The following RANBP17 variants were observed in gnomAD, a reference collection of about 807,000 sequenced individuals.
RANBP17 encodes the protein RAN binding protein 17.
Under a neutral mutation model 141.2 loss-of-function variants are expected in RANBP17, and 158 were observed. The ratio of observed to expected loss-of-function variants is 1.12; its 90% CI spans 0.98 to 1.28. The LOEUF is 1.28. Among genes scored for constraint, RANBP17 ranks in the 50% most tolerant of loss-of-function variants. The pLI is 0.00. For missense variants in RANBP17, 1,438 were observed against 1,290.7 expected (o/e 1.11, Z -1.75); for synonymous variants, 430 against 450.0 (o/e 0.96, Z 0.56).
At chr5:170,891,057 G>C (rs1164666231) in intron 3 of RANBP17, among the ~76,000 whole-genome samples, 1 of 152,176 alleles carries the variant, frequency 6.6e-6, no homozygotes, top group African/African-American at 2.4e-5. Context: ...CAAGAAGACA[G>C]TGTATAGTCA....
chr5:171,098,886 T>C (rs766848351), intron 14 of RANBP17, among the ~76,000 whole-genome samples: 36 of 152,216 alleles, frequency 2.4e-4, no homozygotes, highest in Non-Finnish European at 4.3e-4. Context: ...TCTTTCCCCA[T>C]TGCTTGTTTT....
At chr5:170,971,319 A>T (rs1332496958) in intron 14 of RANBP17, among the ~76,000 whole-genome samples, 1 of 152,224 alleles carries the variant, frequency 6.6e-6, no homozygotes, top group Non-Finnish European at 1.5e-5. Flanking sequence ...GTCTGTGTCA[A>T]ATACTTTGCT....
At chr5:171,117,086 C>G (rs1245608881) in intron 14 of RANBP17, among the ~76,000 whole-genome samples, 1 of 152,128 alleles carries the variant, frequency 6.6e-6, no homozygotes, top group African/African-American at 2.4e-5. Context: ...TAGGCTGATT[C>G]CATATCTTGG....
At chr5:171,046,502 C>T (rs1036537878) in intron 14 of RANBP17, among the ~76,000 whole-genome samples, 2 of 152,088 alleles carry the variant, frequency 1.3e-5, no homozygotes, top group African/African-American at 2.4e-5. Flanking sequence ...CCACCGTGCC[C>T]GGCCAGTTCT....
intron 25 of RANBP17, among the ~76,000 whole-genome samples, chr5:171,292,975 C>A (rs183842727): frequency 2.7e-4 from 41 of 152,332 alleles, no homozygotes; most frequent in African/African-American, 9.9e-4. Flanking sequence ...TCTGGCCCAC[C>A]TCTCTTCTCT....
At chr5:171,011,842 TA>T (rs544554280) in intron 14 of RANBP17, among the ~76,000 whole-genome samples, 4 of 151,664 alleles carry the variant, frequency 2.6e-5, no homozygotes, top group Non-Finnish European at 4.4e-5. Context: ...TATATAACTT[TA>T]AAAAAAATAT....
chr5:171,119,344 T>A (rs1581675750), intron 14 of RANBP17, among the ~76,000 whole-genome samples: 1 of 152,366 alleles, frequency 6.6e-6, no homozygotes, highest in Admixed American at 6.5e-5. Flanking sequence ...TGATTTTTTG[T>A]TGTCCTGATT....
In RANBP17 at chr5:170,862,121, C is replaced by T. The variant is rs192159721; in HGVS notation, c.18+70C>T. ...AACCCGGCGGGACGCGTCTGGAGAC[C>T]GAGGGCCGAGGACAGCGGCGGAGGC... On this transcript the variant is annotated intron_variant, in intron 1 of 27. Transcript: ENST00000523189. 6,823 of 1,373,836 alleles carry T rather than the reference C, an allele frequency of 5.0e-3. 29 individuals carry two copies. Among genetic ancestry groups the T allele is most frequent in the Non-Finnish European group, 5.8e-3 (6,155 of 1,066,516 alleles). The allele number at this position is 1,373,836 out of a possible 1,614,324, so 85.1% of individuals were successfully genotyped here. A position where few individuals can be genotyped will look rare whatever the true frequency, so the allele number is the denominator to read the frequency against.
intron 14 of RANBP17, among the ~76,000 whole-genome samples, chr5:171,062,543 G>C (rs1783965483): frequency 6.6e-6 from 1 of 152,118 alleles, no homozygotes. Flanking sequence ...TTAGTCTGAT[G>C]GGCTTCCCTT....
rs965555213 is a variant in RANBP17 at position 171,062,825 on chromosome 5, A to G, written c.1710+94448A>G. Among the ~76,000 whole-genome samples the G allele has an allele frequency of 7.2e-5, 11 of 152,210 alleles. No individual in the cohort carries two copies. The East Asian group carries it at 1.4e-3, about 19-fold the overall frequency. ...TCAGACGTAGATTTGGTCTTTTCACATAGTCCCATATTTCTTGGAGGCTTT... is the reference window on the plus strand; with the variant it reads ...TCAGACGTAGATTTGGTCTTTTCACGTAGTCCCATATTTCTTGGAGGCTTT... On this transcript the variant is annotated intron_variant, in intron 14 of 27. Transcript: ENST00000523189.
rs1022327217 is a variant in RANBP17, at chr5:171,299,648, A to T, written c.*790A>T. 6.5e-5 allele frequency: 15 copies of T among 229,554 alleles called. No homozygotes were observed. The highest frequency in any genetic ancestry group is 3.3e-4 in the African/African-American group (15 of 45,122). 14.2% of individuals were successfully genotyped at this position (229,554 alleles called of 1,614,324 possible). On this transcript the variant is annotated 3_prime_UTR_variant, in exon 28 of 28. Coordinates refer to ENST00000523189, the MANE Select transcript of RANBP17 (RefSeq NM_022897.5). ...AGAGAAGGTGAAGGTAACTATTAGA[A>T]TATAATATTTGAAGCAGCTCTGCCT... is the stretch of plus-strand genomic sequence containing the variant.
At chr5:171,181,799 A>G (rs1336156983) in intron 16 of RANBP17, among the ~76,000 whole-genome samples, 2 of 152,230 alleles carry the variant, frequency 1.3e-5, no homozygotes, top group Non-Finnish European at 1.5e-5. Flanking sequence ...TAGCCTTGCA[A>G]GTTGCACACG....
chr5:171,171,414 C>G (rs1435392222), intron 16 of RANBP17, 128 bp downstream of exon 16: 1 of 511,324 alleles, frequency 2.0e-6, no homozygotes, highest in Non-Finnish European at 3.5e-6. Context: ...TTTCATTTAG[C>G]CTTATCTGTA....
intron 25 of RANBP17, among the ~76,000 whole-genome samples, chr5:171,278,788 T>C (rs967016958): frequency 1.3e-5 from 2 of 152,184 alleles, no homozygotes; most frequent in African/African-American, 4.8e-5. Flanking sequence ...CTACCCCTTA[T>C]AGACTTAAGT....
At chr5:171,175,331 G>A (rs1292427015) in intron 16 of RANBP17, among the ~76,000 whole-genome samples, 2 of 152,124 alleles carry the variant, frequency 1.3e-5, no homozygotes, top group Non-Finnish European at 2.9e-5. Context: ...GGGATTTGCT[G>A]GGTCAAATGG....
chr5:170,946,534 A>G (rs1043964342), intron 12 of RANBP17, among the ~76,000 whole-genome samples: 1 of 152,332 alleles, frequency 6.6e-6, no homozygotes, highest in African/African-American at 2.4e-5. Context: ...GTTATGTTAT[A>G]TAAAGTCGCT....
intron 13 of RANBP17, among the ~76,000 whole-genome samples, chr5:170,963,682 A>G (rs897066920): frequency 6.6e-6 from 1 of 152,184 alleles, no homozygotes; most frequent in Non-Finnish European, 1.5e-5. Context: ...CTAGTGCTGC[A>G]GCTGATCTGA....
intron 13 of RANBP17, among the ~76,000 whole-genome samples, chr5:170,961,560 C>T (rs1360473386): frequency 6.6e-6 from 1 of 152,070 alleles, no homozygotes; most frequent in African/African-American, 2.4e-5. Flanking sequence ...AAATCTGAAA[C>T]AGTTTGAGCA....
intron 14 of RANBP17, among the ~76,000 whole-genome samples, chr5:170,999,409 A>G (rs1779047492): frequency 2.6e-5 from 4 of 152,172 alleles, no homozygotes; most frequent in South Asian, 2.1e-4. Context: ...GCTGAAATGC[A>G]TGTCCATTAA....
Sources: gnomAD v4.1 joint callset for allele counts (sites outside exome capture counted in the v4.1 genomes callset) on GRCh38, gnomAD v4.1.1 for gene constraint, MANE v1.5 for transcripts, NCBI Gene and HGNC (gene_info 2026-07-23, HGNC 2026-07-21) for gene names.